The following MTUS1 variants were observed in gnomAD, a reference collection of about 807,000 sequenced individuals.
MTUS1 encodes microtubule associated scaffold protein 1.
MTUS1 carries 109 observed loss-of-function variants against 120.8 expected under a neutral mutation model. The ratio of observed to expected loss-of-function variants is 0.90; its 90% confidence interval spans 0.77 to 1.06. The LOEUF (loss-of-function observed/expected upper bound fraction) is 1.06. Among genes scored for constraint, MTUS1 ranks in the 50% least tolerant of loss-of-function variants. MTUS1 has a pLI of 0.00. For missense variants in MTUS1, 2,210 were observed against 1,486.3 expected (o/e 1.49, Z -8.01); for synonymous variants, 737 against 550.5 (o/e 1.34, Z -4.74).
intron 1 of MTUS1, among the ~76,000 whole-genome samples, chr8:17,756,763 C>T (rs912186331): frequency 6.9e-6 from 1 of 144,982 alleles, no homozygotes; most frequent in South Asian, 2.4e-4. Flanking sequence ...GCTGATCCAA[C>T]AGAGCTGGTG....
rs556446556 is a variant in MTUS1, at chr8:17,721,252, C to T, written c.2449+2420G>A. Among the ~76,000 whole-genome samples, 25 of 152,122 alleles carry T rather than the reference C, an allele frequency of 1.6e-4. No homozygotes were observed. The South Asian group carries it at 1.9e-3, about 11-fold the overall frequency. On this transcript the variant is annotated intron_variant, in intron 4 of 14. Transcript: ENST00000693296. ...TATCAGAAACAGGAAATTTTCAGCG[C>T]GAGATGATTTTTTCATGTTTTGAGG... is the stretch of plus-strand genomic sequence containing the variant.
intron 1 of MTUS1, among the ~76,000 whole-genome samples, chr8:17,763,608 C>T (rs986527092): frequency 6.6e-6 from 1 of 152,036 alleles, no homozygotes; most frequent in African/African-American, 2.4e-5. Context: ...AGCTGCCCAC[C>T]AGAGCCAGGA....
At chr8:17,686,137 C>A (rs1815748734) in intron 6 of MTUS1, among the ~76,000 whole-genome samples, 1 of 152,202 alleles carries the variant, frequency 6.6e-6, no homozygotes, top group African/African-American at 2.4e-5. Context: ...CTCCCAATAA[C>A]CCCAGATAGG....
rs442192 is a variant in MTUS1 at position 17,698,716 on chromosome 8, C to T, written c.2624-14174G>A. 3.7e-4 allele frequency among the ~76,000 whole-genome samples: 57 copies of T among 152,246 alleles called. No homozygotes were observed. In the South Asian group the frequency reaches 6.0e-3, roughly 16 times the overall value. On this transcript the variant is annotated intron_variant, in intron 6 of 14. Transcript: ENST00000693296. ...GGAAGAGAAAATTTAAATAAGTTCT[C>T]TTCCCTCAAGCCCCCTCCCTCTTCA...
intron 3 of MTUS1, among the ~76,000 whole-genome samples, chr8:17,724,929 C>A (rs937957801): frequency 2.0e-5 from 3 of 152,108 alleles, no homozygotes; most frequent in Non-Finnish European, 4.4e-5. Context: ...TATAGCTCCA[C>A]TGTTTTATTT....
intron 6 of MTUS1, among the ~76,000 whole-genome samples, chr8:17,705,211 T>G (rs1415483274): frequency 2.0e-5 from 3 of 152,214 alleles, no homozygotes; most frequent in Non-Finnish European, 4.4e-5. Context: ...CTTGAACTCC[T>G]GGCCTCAAGC....
At chr8:17,775,177 G>A (rs570582877) in intron 1 of MTUS1, among the ~76,000 whole-genome samples, 7 of 152,182 alleles carry the variant, frequency 4.6e-5, no homozygotes, top group East Asian at 1.9e-4. Flanking sequence ...ACTGGTGATA[G>A]TTACACAACT....
intron 1 of MTUS1, among the ~76,000 whole-genome samples, chr8:17,757,571 G>C (rs2048719166): frequency 6.6e-6 from 1 of 152,140 alleles, no homozygotes; most frequent in African/African-American, 2.4e-5. Flanking sequence ...CTGCCACCCA[G>C]GCTGGAGTGC....
intron 2 of MTUS1, among the ~76,000 whole-genome samples, chr8:17,748,438 T>G (rs1018942176): frequency 6.6e-6 from 1 of 152,124 alleles, no homozygotes; most frequent in Admixed American, 6.5e-5. Flanking sequence ...CCACCAACTT[T>G]GGGTACCCAA....
At chr8:17,675,326 C>G (rs1026773071) in intron 7 of MTUS1, 74 bp from the exon 8 acceptor site, 4 of 1,357,500 alleles carry the variant, frequency 2.9e-6, no homozygotes, top group Non-Finnish European at 4.2e-6. Context: ...TTTGTTATCA[C>G]TAGGAAAATG....
chr8:17,646,811 G>A (rs1805889800), intron 14 of MTUS1, among the ~76,000 whole-genome samples, 171 bp downstream of exon 14: 1 of 152,174 alleles, frequency 6.6e-6, no homozygotes, highest in Admixed American at 6.5e-5. Flanking sequence ...GGCCGCTTTG[G>A]TAAAAGCATG....
intron 8 of MTUS1, among the ~76,000 whole-genome samples, chr8:17,669,455 C>T (rs1811564331): frequency 6.6e-6 from 1 of 151,540 alleles, no homozygotes; most frequent in Admixed American, 6.6e-5. Flanking sequence ...TGAATTTGGA[C>T]TGGAAGATTT....
At chr8:17,683,005 G>C (rs929563934) in intron 7 of MTUS1, among the ~76,000 whole-genome samples, 3 of 152,238 alleles carry the variant, frequency 2.0e-5, no homozygotes, top group Non-Finnish European at 4.4e-5. Flanking sequence ...GGGCGCAGTG[G>C]CGCATGCCTG....
At chr8:17,789,151 G>T (rs560649484) in intron 1 of MTUS1, among the ~76,000 whole-genome samples, 70 of 151,854 alleles carry the variant, frequency 4.6e-4, no homozygotes, top group Non-Finnish European at 9.3e-4. Flanking sequence ...TCCTGCCTCA[G>T]CCTGACCAGT....
chr8:17,788,912 T>C (rs1031687472), intron 1 of MTUS1, among the ~76,000 whole-genome samples: 1 of 152,138 alleles, frequency 6.6e-6, no homozygotes, highest in Non-Finnish European at 1.5e-5. Flanking sequence ...AATGAGCTGT[T>C]TGTATAGAAG....
At chr8:17,766,433 G>A (rs1438242990) in intron 1 of MTUS1, among the ~76,000 whole-genome samples, 1 of 152,174 alleles carries the variant, frequency 6.6e-6, no homozygotes, top group African/African-American at 2.4e-5. Flanking sequence ...CTTTTTTCAA[G>A]TTTAATAGGC....
At chr8:17,785,542 G>A (rs954177887) in intron 1 of MTUS1, among the ~76,000 whole-genome samples, 6 of 152,146 alleles carry the variant, frequency 3.9e-5, no homozygotes, top group Non-Finnish European at 2.9e-5. Context: ...CATCATAAAA[G>A]GACATTATTT....
intron 1 of MTUS1, among the ~76,000 whole-genome samples, chr8:17,790,495 AAGC>A (rs1272325276): frequency 3.3e-5 from 5 of 152,342 alleles, no homozygotes; most frequent in Admixed American, 6.5e-5. Context: ...TTATTGCAAA[AAGC>A]AGTCTGAAAG....
At chr8:17,674,920 T>C in intron 8 of MTUS1, 1 of 1,249,240 alleles carries the variant, frequency 8.0e-7, no homozygotes, top group Non-Finnish European at 1.0e-6. Flanking sequence ...AAAATAACTC[T>C]GTCCCTCTCT....
Sources: allele counts gnomAD v4.1 joint callset (sites outside exome capture counted in the v4.1 genomes callset), GRCh38; gene constraint gnomAD v4.1.1; transcripts MANE v1.5; gene names NCBI Gene and HGNC (gene_info 2026-07-23, HGNC 2026-07-21).